Variants in PLEKHG4B observed in about 807,000 individuals in gnomAD.
The protein encoded by PLEKHG4B is pleckstrin homology domain-containing family G member 4B.
In PLEKHG4B, 111 loss-of-function variants were observed where a neutral mutation model predicts 121.3. That is an observed-to-expected ratio of 0.92 (90% CI 0.78 to 1.07). The LOEUF (loss-of-function observed/expected upper bound fraction) is 1.07, where lower values mean the gene tolerates loss of function less well. PLEKHG4B is among the 50% of genes least tolerant of loss of function. The probability of loss-of-function intolerance (pLI) is 0.00; values close to 1 mark genes in which losing one functional copy is unlikely to be tolerated. For missense variants in PLEKHG4B, 1,831 were observed against 1,757.8 expected, an observed-to-expected ratio of 1.04 and a Z score of -0.74; for synonymous variants, 738 against 725.0, an observed-to-expected ratio of 1.02 and a Z score of -0.29.
intron 1 of PLEKHG4B, among the ~76,000 whole-genome samples, chr5:95,296 G>C (rs937370441): frequency 6.6e-6 from 1 of 152,090 alleles, no homozygotes; most frequent in Non-Finnish European, 1.5e-5. Flanking sequence ...GCCTCCCCTG[G>C]AGAAGCTGAG....
intron 3 of PLEKHG4B, among the ~76,000 whole-genome samples, chr5:142,509 G>C (rs572230514): frequency 2.7e-5 from 4 of 149,328 alleles, no homozygotes; most frequent in Non-Finnish European, 4.4e-5. Flanking sequence ...CACACCACAC[G>C]CAGACACATG....
Position 155,414 on chromosome 5 carries a change from A to C in PLEKHG4B, c.2179A>C (p.Asn727His). 6.2e-7 allele frequency: 1 copy of C among 1,614,194 alleles called. No individual in the cohort carries two copies. The highest frequency in any genetic ancestry group is 8.5e-7 in the Non-Finnish European group (1 of 1,180,018). ...IFLQNSFCSLNTHRTPRTAQE... is the reference protein window; with the variant it reads ...IFLQNSFCSLHTHRTPRTAQE... ...CCTACAGAATTCATTCTGCTCCCTG[A>C]ACACCCACAGAACCCCAAGAACAGC... The change falls in exon 9 of 20, where the codon AAC (asparagine) becomes CAC (histidine). Residue 727 changes from asparagine (N) to histidine (H), a missense_variant. Transcript: ENST00000637938.
chr5:140,464 CA>C lies in PLEKHG4B; in HGVS notation c.1227del (p.Gln409HisfsTer6). On this transcript the variant is annotated frameshift_variant, in exon 3 of 20. Coordinates refer to ENST00000637938, the MANE Select transcript of PLEKHG4B (RefSeq NM_052909.5). LOFTEE classifies it high-confidence loss of function. ...EETSGPRGDP[Q>X]QTPSLEKERH... The stretch of plus-strand genomic sequence containing the variant: ...AACCTCTGGCCCCCGGGGAGACCCC[CA>C]ACAGACCCCAAGTCTAGAGAAGGAG... 1 of 1,588,498 alleles carries C rather than the reference CA, an allele frequency of 6.3e-7. No individual in the cohort carries two copies. Among genetic ancestry groups the C allele is most frequent in the East Asian group, 2.3e-5 (1 of 43,466 alleles).
At chr5:170,305 C>T (rs917736217) in intron 14 of PLEKHG4B, among the ~76,000 whole-genome samples, 1 of 147,388 alleles carries the variant, frequency 6.8e-6, no homozygotes, top group Non-Finnish European at 1.5e-5. Flanking sequence ...TCAGTGTTTC[C>T]TTTTTTTTTT....
At chr5:112,976 A>G (rs946863661) in intron 1 of PLEKHG4B, among the ~76,000 whole-genome samples, 1 of 152,186 alleles carries the variant, frequency 6.6e-6, no homozygotes, top group African/African-American at 2.4e-5. Flanking sequence ...CCACATTTAT[A>G]GAGGTGGTAT....
intron 1 of PLEKHG4B, among the ~76,000 whole-genome samples, chr5:98,574 A>G (rs1287265151): frequency 2.7e-5 from 4 of 149,484 alleles, no homozygotes; most frequent in African/African-American, 7.5e-5. Context: ...AGCTGGGACT[A>G]CAGGCATGTG....
chr5:162,084 C>T (rs1736028498), intron 12 of PLEKHG4B, 140 bp downstream of exon 12: 2 of 1,103,058 alleles, frequency 1.8e-6, no homozygotes, highest in Non-Finnish European at 2.5e-6. Flanking sequence ...CCCCCCTGGC[C>T]ACTGCGCCCA....
chr5:136,133 T>C (rs1473076416), intron 2 of PLEKHG4B, among the ~76,000 whole-genome samples: 1 of 151,990 alleles, frequency 6.6e-6, no homozygotes, highest in Non-Finnish European at 1.5e-5. Context: ...AAGAATGAAG[T>C]AGGACCCTTA....
chr5:105,240 C>T (rs950549955), intron 1 of PLEKHG4B, among the ~76,000 whole-genome samples: 12 of 151,866 alleles, frequency 7.9e-5, no homozygotes, highest in Admixed American at 5.9e-4. Flanking sequence ...GGCTGATTCC[C>T]GTCATGGCTG....
At chr5:180,240 A>G (rs1258645541) in intron 18 of PLEKHG4B, among the ~76,000 whole-genome samples, 1 of 151,960 alleles carries the variant, frequency 6.6e-6, no homozygotes, top group African/African-American at 2.4e-5. Flanking sequence ...ATCTGAATGC[A>G]CTCCGGGGAG....
At chr5:104,057 A>G (rs947609902) in intron 1 of PLEKHG4B, among the ~76,000 whole-genome samples, 119 of 151,326 alleles carry the variant, frequency 7.9e-4, no homozygotes, top group Non-Finnish European at 1.3e-3. Flanking sequence ...ACCGATTCCT[A>G]AACAACCTCA....
chr5:130,944 A>G (rs545028115), intron 2 of PLEKHG4B, among the ~76,000 whole-genome samples: 2 of 152,366 alleles, frequency 1.3e-5, no homozygotes, highest in Admixed American at 6.5e-5. Context: ...TGTGAATTGT[A>G]TTGAGGCAAA....
chr5:126,790 G>A (rs1053142469), intron 2 of PLEKHG4B, among the ~76,000 whole-genome samples: 2 of 152,118 alleles, frequency 1.3e-5, no homozygotes, highest in Non-Finnish European at 2.9e-5. Context: ...AGGTTTAATA[G>A]GCAAAAGAAA....
rs1056147733 is a variant in PLEKHG4B, at chr5:159,305, C to G, written c.2487+2394C>G. Reference sequence around the variant, plus strand: ...GGTGTGCCTGAGGGTCGCCCAGGTGCACCGAGGGCAGGTGTGCTCTTTGTG... The same window carrying G: ...GGTGTGCCTGAGGGTCGCCCAGGTGGACCGAGGGCAGGTGTGCTCTTTGTG... On this transcript the variant is annotated intron_variant, in intron 11 of 19. Coordinates refer to ENST00000637938, the MANE Select transcript of PLEKHG4B (RefSeq NM_052909.5). This position sits in a 1 kb window ranked among gnomAD's most constrained non-coding sequence, Gnocchi z 5.5. 1.5e-5 allele frequency among the ~76,000 whole-genome samples: 2 copies of G among 136,492 alleles called. No homozygotes were observed. The highest frequency in any genetic ancestry group is 1.4e-4 in the Admixed American group (2 of 14,274). 89.5% of individuals were successfully genotyped at this position (136,492 alleles called of 152,430 possible).
intron 3 of PLEKHG4B, among the ~76,000 whole-genome samples, chr5:141,867 G>A (rs368901573): frequency 3.3e-5 from 5 of 152,052 alleles, no homozygotes; most frequent in East Asian, 1.9e-4. Flanking sequence ...CCTCCTTTCC[G>A]TGGGCTCCCC....
intron 2 of PLEKHG4B, among the ~76,000 whole-genome samples, chr5:123,409 T>A (rs1244808789): frequency 6.6e-6 from 1 of 152,194 alleles, no homozygotes. Flanking sequence ...TAGGAAGTAT[T>A]CCCTCCTCTT....
chr5:172,744 G>A (rs1736606121), intron 16 of PLEKHG4B, among the ~76,000 whole-genome samples, 153 bp from the exon 17 acceptor site: 1 of 152,184 alleles, frequency 6.6e-6, no homozygotes, highest in Non-Finnish European at 1.5e-5. Flanking sequence ...ACCTTTAACA[G>A]CTAACATTAA....
At chr5:174,843 A>G (rs1281516751) in intron 18 of PLEKHG4B, among the ~76,000 whole-genome samples, 4 of 152,090 alleles carry the variant, frequency 2.6e-5, no homozygotes, top group Admixed American at 1.3e-4. Context: ...AATCTCTAAC[A>G]AAAGGTCAGA....
At chr5:109,108 G>A (rs1471851686) in intron 1 of PLEKHG4B, among the ~76,000 whole-genome samples, 2 of 152,166 alleles carry the variant, frequency 1.3e-5, no homozygotes, top group African/African-American at 2.4e-5. Flanking sequence ...CTGTCCCCAG[G>A]GCCCTGCTTG....
Sources: gnomAD v4.1 joint callset for allele counts (sites outside exome capture counted in the v4.1 genomes callset) on GRCh38, gnomAD v4.1.1 for gene constraint, Gnocchi (gnomAD v3.1) non-coding constraint, MANE v1.5 for transcripts, NCBI Gene and HGNC (gene_info 2026-07-23, HGNC 2026-07-21) for gene names.